The following ATP10B variants were observed in gnomAD, a reference collection of about 807,000 sequenced individuals.
The protein encoded by ATP10B is ATPase phospholipid transporting 10B (putative).
ATP10B carries 122 observed loss-of-function variants against 141.2 expected under a neutral mutation model. The ratio of observed to expected loss-of-function variants is 0.86; its 90% CI spans 0.75 to 1.00. ATP10B has a LOEUF of 1.00. Among genes scored for constraint, ATP10B ranks in the 50% least tolerant of loss-of-function variants. The pLI is 0.00. For missense variants in ATP10B, 1,876 were observed against 1,825.3 expected (o/e 1.03, Z -0.51); for synonymous variants, 685 against 692.0 (o/e 0.99, Z 0.16).
At chr5:160,688,228 TA>T in intron 4 of ATP10B, 134 bp from the exon 5 acceptor site, 1 of 868,634 alleles carries the variant, frequency 1.2e-6, no homozygotes. Flanking sequence ...TCCTTGTAAC[TA>T]AAGGTCACTA....
At chr5:160,622,915 T>G (rs1297909537) in intron 13 of ATP10B, among the ~76,000 whole-genome samples, 1 of 151,424 alleles carries the variant, frequency 6.6e-6, no homozygotes, top group Non-Finnish European at 1.5e-5. Flanking sequence ...GCCTCTCACC[T>G]TTTTTTTTCT....
At chr5:160,634,740 G>T in intron 11 of ATP10B, 134 bp from the exon 12 acceptor site, 1 of 940,178 alleles carries the variant, frequency 1.1e-6, no homozygotes, top group Non-Finnish European at 1.6e-6. Flanking sequence ...TGAAATTAAC[G>T]GTCAATGACC....
intron 21 of ATP10B, among the ~76,000 whole-genome samples, chr5:160,600,735 T>C (rs1757057393): frequency 1.3e-5 from 2 of 152,312 alleles, no homozygotes; most frequent in African/African-American, 2.4e-5. Flanking sequence ...CATGGCAGCA[T>C]TGCTGATATT....
chr5:160,761,100 A>G (rs1049639900), intron 2 of ATP10B, among the ~76,000 whole-genome samples: 2 of 152,234 alleles, frequency 1.3e-5, no homozygotes, highest in East Asian at 3.9e-4. Context: ...TACTCAAGCC[A>G]TGACAGCAAC....
chr5:160,819,202 A>G (rs1291356365), intron 1 of ATP10B, among the ~76,000 whole-genome samples: 1 of 152,132 alleles, frequency 6.6e-6, no homozygotes, highest in East Asian at 1.9e-4. Flanking sequence ...CAAATCACAT[A>G]CAATGGAGCC....
chr5:160,825,204 T>C (rs1774490649), intron 1 of ATP10B, among the ~76,000 whole-genome samples: 1 of 152,192 alleles, frequency 6.6e-6, no homozygotes, highest in South Asian at 2.1e-4. Flanking sequence ...CATGTAATAG[T>C]TGCTCAGCAA....
At chr5:160,600,293 G>T (rs1220377335) in intron 21 of ATP10B, among the ~76,000 whole-genome samples, 3 of 152,184 alleles carry the variant, frequency 2.0e-5, no homozygotes, top group Admixed American at 6.5e-5. Flanking sequence ...TTCAGAGCTA[G>T]AGAGTGGTAC....
At chr5:160,740,728 G>C (rs1767408670) in intron 2 of ATP10B, among the ~76,000 whole-genome samples, 1 of 152,186 alleles carries the variant, frequency 6.6e-6, no homozygotes, top group South Asian at 2.1e-4. Context: ...CCTTTCCTCA[G>C]GTTTCTTCAG....
chr5:160,678,664 C>CA (rs1763188557), intron 6 of ATP10B, among the ~76,000 whole-genome samples: 1 of 151,998 alleles, frequency 6.6e-6, no homozygotes, highest in Non-Finnish European at 1.5e-5. Flanking sequence ...GAACAAAAAA[C>CA]AAAAAAATTA....
chr5:160,670,355 C>T (rs1049887917), intron 7 of ATP10B, 108 bp downstream of exon 7: 144 of 994,502 alleles, frequency 1.4e-4, no homozygotes, highest in Non-Finnish European at 6.2e-6. Context: ...GAAAAGGAGG[C>T]ATCTACTACT....
At chr5:160,926,918 G>A in the ATP10B span, among the ~76,000 whole-genome samples, 1 of 152,218 alleles carries the variant, frequency 6.6e-6, no homozygotes, top group South Asian at 2.1e-4. Flanking sequence ...TGCTTGTGGA[G>A]CTGTGTGCTT....
At chr5:160,653,126 T>C (rs1167028688) in intron 7 of ATP10B, among the ~76,000 whole-genome samples, 1 of 130,562 alleles carries the variant, frequency 7.7e-6, no homozygotes, top group Non-Finnish European at 1.6e-5. Flanking sequence ...CATGTATATA[T>C]TATGTATACA....
chr5:160,587,570 G>A (rs564737020), intron 24 of ATP10B, among the ~76,000 whole-genome samples: 2 of 152,312 alleles, frequency 1.3e-5, no homozygotes, highest in East Asian at 3.9e-4. Flanking sequence ...AGCATGGAAT[G>A]TTTTTCCATT....
chr5:160,743,762 A>G (rs1767630783), intron 2 of ATP10B, among the ~76,000 whole-genome samples: 1 of 152,190 alleles, frequency 6.6e-6, no homozygotes, highest in South Asian at 2.1e-4. Flanking sequence ...TTACCTCTGA[A>G]ATAATCAAAT....
the ATP10B span, among the ~76,000 whole-genome samples, chr5:160,927,361 G>A: frequency 8.3e-4 from 127 of 152,304 alleles, 1 homozygote; most frequent in East Asian, 0.015. Flanking sequence ...AGAAGGACAA[G>A]CTGGGGTGAG....
intron 1 of ATP10B, among the ~76,000 whole-genome samples, chr5:160,824,446 C>A (rs952982084): frequency 6.6e-6 from 1 of 152,144 alleles, no homozygotes; most frequent in African/African-American, 2.4e-5. Flanking sequence ...AGAGGCATGC[C>A]AGAGAAGGTC....
intron 7 of ATP10B, among the ~76,000 whole-genome samples, chr5:160,654,950 G>A (rs1761379671): frequency 6.6e-6 from 1 of 152,136 alleles, no homozygotes; most frequent in Non-Finnish European, 1.5e-5. Context: ...CGGACAACAG[G>A]CTTTAACCTT....
chr5:160,914,254 A>G, the ATP10B span, among the ~76,000 whole-genome samples: 1 of 152,194 alleles, frequency 6.6e-6, no homozygotes, highest in Non-Finnish European at 1.5e-5. Context: ...AACCAATGTC[A>G]AAGAGGTCAT....
intron 7 of ATP10B, among the ~76,000 whole-genome samples, chr5:160,654,388 C>T (rs1029201728): frequency 7.9e-5 from 12 of 152,140 alleles, no homozygotes; most frequent in African/African-American, 2.9e-4. Context: ...GACACTTCTT[C>T]TTGACCCAGC....
Sources: allele counts gnomAD v4.1 joint callset (sites outside exome capture counted in the v4.1 genomes callset), GRCh38; gene constraint gnomAD v4.1.1; transcripts MANE v1.5; gene names NCBI Gene and HGNC (gene_info 2026-07-23, HGNC 2026-07-21).